Variants in ZNF618 observed in about 807,000 individuals in gnomAD.
ZNF618 encodes the protein neural precursor cell expressed, developmentally down-regulated 10.
Under a neutral mutation model 103.0 loss-of-function variants are expected in ZNF618, and 34 were observed. The observed-to-expected ratio is 0.33, with a 90% confidence interval of 0.25 to 0.44. The LOEUF (loss-of-function observed/expected upper bound fraction) is 0.44. Among genes scored for constraint, ZNF618 ranks in the 20% least tolerant of loss-of-function variants. The probability of loss-of-function intolerance (pLI) is 1.00; values close to 1 mark genes in which losing one functional copy is unlikely to be tolerated. For synonymous variants in ZNF618, 551 were observed against 542.2 expected (o/e 1.02, Z -0.23); for missense variants, 1,059 against 1,295.4 (o/e 0.82, Z 2.80).
chr9:114,002,603 C>T (rs1588299928), intron 5 of ZNF618, 21 bp from the exon 6 acceptor site: 1 of 1,515,436 alleles, frequency 6.6e-7, no homozygotes, highest in Non-Finnish European at 9.0e-7. Flanking sequence ...CACCCCCATC[C>T]CTCTCTCTCT....
In ZNF618 at chr9:114,055,015, G is replaced by T. The variant is rs1460792048; in HGVS notation, c.*4848G>T. 6.9e-6 allele frequency: 1 copy of T among 145,158 alleles called. No individual in the cohort carries two copies. Among genetic ancestry groups the T allele is most frequent in the Non-Finnish European group, 1.5e-5 (1 of 67,568 alleles). 9.0% of individuals were successfully genotyped at this position (145,158 alleles called of 1,614,324 possible). ...GTACAGAGAAGGATTTGCTAGGTTTGCATTTGGGTGTTAGCATCACGACCC... is the reference window on the plus strand; with the variant it reads ...GTACAGAGAAGGATTTGCTAGGTTTTCATTTGGGTGTTAGCATCACGACCC... On this transcript the variant is annotated 3_prime_UTR_variant, in exon 15 of 15. Transcript: ENST00000374126.
chr9:114,031,217 G>A (rs1051598441), intron 11 of ZNF618, among the ~76,000 whole-genome samples: 1 of 152,194 alleles, frequency 6.6e-6, no homozygotes, highest in African/African-American at 2.4e-5. Context: ...GAGGTGCTCA[G>A]CGAATGAGAG....
intron 1 of ZNF618, among the ~76,000 whole-genome samples, chr9:113,900,213 C>G (rs1027496896): frequency 6.6e-6 from 1 of 152,024 alleles, no homozygotes; most frequent in African/African-American, 2.4e-5. Context: ...AGGTGTGCAC[C>G]AGCACACCTG....
At position 114,050,187 on chromosome 9, in the gene ZNF618, A is replaced by G; in HGVS notation, c.*20A>G. ...CTTTAAGACTTGACTTCGGGGGAAAAAAAAAGAAAAAGAGAAGATAACATT... is the reference window on the plus strand; with the variant it reads ...CTTTAAGACTTGACTTCGGGGGAAAGAAAAAGAAAAAGAGAAGATAACATT... On this transcript the variant is annotated 3_prime_UTR_variant, in exon 15 of 15. Coordinates refer to ENST00000374126, the MANE Select transcript of ZNF618 (RefSeq NM_001318042.2). 1 of 1,521,820 alleles carries G rather than the reference A, an allele frequency of 6.6e-7. No individual in the cohort carries two copies. The highest frequency in any genetic ancestry group is 8.7e-7 in the Non-Finnish European group (1 of 1,144,316). The allele number at this position is 1,521,820 out of a possible 1,614,324, so 94.3% of individuals were successfully genotyped here. A position where few individuals can be genotyped will look rare whatever the true frequency, so the allele number is the denominator to read the frequency against.
intron 13 of ZNF618, among the ~76,000 whole-genome samples, chr9:114,040,148 G>C (rs1039311723): frequency 6.6e-6 from 1 of 151,960 alleles, no homozygotes; most frequent in African/African-American, 2.4e-5. Context: ...CCTATGGAAG[G>C]GCAGAGAATA....
chr9:113,899,851 A>C (rs900092679), intron 1 of ZNF618, among the ~76,000 whole-genome samples: 1 of 152,110 alleles, frequency 6.6e-6, no homozygotes, highest in East Asian at 1.9e-4. Flanking sequence ...TGTACCTACC[A>C]CATTTTGTTT....
intron 2 of ZNF618, among the ~76,000 whole-genome samples, chr9:113,985,845 A>T (rs1839426350): frequency 6.6e-6 from 1 of 152,222 alleles, no homozygotes; most frequent in African/African-American, 2.4e-5. Flanking sequence ...TAATACCAAG[A>T]TTTCGTTCCT....
chr9:113,894,529 A>G (rs1434044037), intron 1 of ZNF618, among the ~76,000 whole-genome samples: 3 of 152,220 alleles, frequency 2.0e-5, no homozygotes, highest in African/African-American at 7.2e-5. Context: ...TTGTATTTGT[A>G]ATTGTAAATG....
At chr9:113,978,209 G>C (rs1175430370) in intron 2 of ZNF618, among the ~76,000 whole-genome samples, 2 of 152,330 alleles carry the variant, frequency 1.3e-5, no homozygotes, top group East Asian at 1.9e-4. Context: ...TTGAAACTTA[G>C]GCGGAATAGT....
At chr9:114,044,971 GC>G (rs914749545) in intron 13 of ZNF618, among the ~76,000 whole-genome samples, 33 of 152,002 alleles carry the variant, frequency 2.2e-4, no homozygotes, top group African/African-American at 6.0e-4. Context: ...AGTTCTAGGA[GC>G]TTTTTGGACA....
At chr9:113,945,791 A>C (rs961826591) in intron 1 of ZNF618, among the ~76,000 whole-genome samples, 9 of 152,236 alleles carry the variant, frequency 5.9e-5, no homozygotes, top group East Asian at 3.8e-4. Context: ...GGGAGAAAAA[A>C]AGACTTTTCC....
chr9:113,955,183 G>C (rs1389326908), intron 1 of ZNF618, among the ~76,000 whole-genome samples: 1 of 148,578 alleles, frequency 6.7e-6, no homozygotes, highest in Non-Finnish European at 1.5e-5. Flanking sequence ...GACCCTGAAG[G>C]CTATTCCCAA....
At chr9:114,025,919 C>T (rs1843457988) in intron 10 of ZNF618, among the ~76,000 whole-genome samples, 1 of 152,228 alleles carries the variant, frequency 6.6e-6, no homozygotes, top group Non-Finnish European at 1.5e-5. Flanking sequence ...ACGTGCCAAA[C>T]ACTCTGTGCA....
chr9:113,887,212 G>C (rs1225185418), intron 1 of ZNF618, among the ~76,000 whole-genome samples: 1 of 152,066 alleles, frequency 6.6e-6, no homozygotes, highest in Non-Finnish European at 1.5e-5. Context: ...TGGTGATGTA[G>C]TGGTGTAGGC....
intron 1 of ZNF618, among the ~76,000 whole-genome samples, chr9:113,892,203 C>T (rs1433690014): frequency 6.6e-6 from 1 of 152,046 alleles, no homozygotes; most frequent in Non-Finnish European, 1.5e-5. Context: ...TGCCCCGCCC[C>T]CCCAATATAA....
At chr9:113,934,179 G>A (rs959746436) in intron 1 of ZNF618, among the ~76,000 whole-genome samples, 1 of 152,194 alleles carries the variant, frequency 6.6e-6, no homozygotes, top group Admixed American at 6.5e-5. Flanking sequence ...ACGGGCACAC[G>A]GTGTCTAGAT....
At chr9:113,958,534 C>A (rs1253931762) in intron 1 of ZNF618, among the ~76,000 whole-genome samples, 1 of 152,208 alleles carries the variant, frequency 6.6e-6, no homozygotes, top group Non-Finnish European at 1.5e-5. Flanking sequence ...GCACAACTAG[C>A]TCATTTAATC....
At chr9:114,021,577 T>G (rs1424737187) in intron 10 of ZNF618, among the ~76,000 whole-genome samples, 2 of 152,082 alleles carry the variant, frequency 1.3e-5, no homozygotes, top group Non-Finnish European at 2.9e-5. Flanking sequence ...AAATATTGAT[T>G]GAAGTATATT....
chr9:113,897,531 T>C lies in ZNF618; in HGVS notation c.33+21118T>C, dbSNP rs180974896. On this transcript the variant is annotated intron_variant, in intron 1 of 14. Coordinates refer to ENST00000374126, the MANE Select transcript of ZNF618 (RefSeq NM_001318042.2). ...GGCATGTACTTTCAGTCTACAGATT[T>C]CTTTCTTAATAATAGGAAATGTTTT... is the stretch of plus-strand genomic sequence containing the variant. 7.2e-4 allele frequency among the ~76,000 whole-genome samples: 110 copies of C among 152,342 alleles called. 2 individuals carry two copies. The highest frequency in any genetic ancestry group is 2.6e-3 in the African/African-American group (108 of 41,582).
Sources: gnomAD v4.1 joint callset for allele counts (sites outside exome capture counted in the v4.1 genomes callset) on GRCh38, gnomAD v4.1.1 for gene constraint, MANE v1.5 for transcripts, NCBI Gene and HGNC (gene_info 2026-07-23, HGNC 2026-07-21) for gene names.